Variants in SPECC1 observed in about 807,000 individuals in gnomAD.
SPECC1 encodes sperm antigen with calponin homology and coiled-coil domains 1.
SPECC1 carries 62 observed loss-of-function variants against 104.1 expected under a neutral mutation model. The ratio of observed to expected loss-of-function variants is 0.60; its 90% CI spans 0.49 to 0.74. SPECC1 has a LOEUF of 0.74. SPECC1 is among the 30% of genes least tolerant of loss of function. The probability of loss-of-function intolerance (pLI) is 0.00; values close to 1 mark genes in which losing one functional copy is unlikely to be tolerated. For missense variants in SPECC1, 1,306 were observed against 1,310.5 expected, an observed-to-expected ratio of 1.00 and a Z score of 0.05; for synonymous variants, 513 against 501.6, an observed-to-expected ratio of 1.02 and a Z score of -0.30.
At chr17:20,129,624 T>G (rs2049503706) in intron 3 of SPECC1, among the ~76,000 whole-genome samples, 1 of 152,220 alleles carries the variant, frequency 6.6e-6, no homozygotes, top group South Asian at 2.1e-4. Context: ...AACAGGGTCT[T>G]TCACAGACCA....
chr17:20,013,711 C>A (rs2044020559), intron 1 of SPECC1, among the ~76,000 whole-genome samples: 1 of 152,130 alleles, frequency 6.6e-6, no homozygotes, highest in African/African-American at 2.4e-5. Flanking sequence ...CCGTGTTGGC[C>A]AGGCTAGTCT....
intron 3 of SPECC1, among the ~76,000 whole-genome samples, chr17:20,134,335 C>T (rs2049813271): frequency 6.6e-6 from 1 of 151,470 alleles, no homozygotes; most frequent in African/African-American, 2.4e-5. Flanking sequence ...ATCCTTCTCC[C>T]ACCTGCCACC....
chr17:20,180,290 C>T (rs62066873), intron 3 of SPECC1, among the ~76,000 whole-genome samples: 25 of 152,202 alleles, frequency 1.6e-4, no homozygotes, highest in Admixed American at 7.2e-4. Context: ...TGAGCAGCCC[C>T]ACAGTAAATA....
intron 12 of SPECC1, among the ~76,000 whole-genome samples, chr17:20,278,088 T>G (rs2040635051): frequency 6.6e-6 from 1 of 152,114 alleles, no homozygotes; most frequent in African/African-American, 2.4e-5. Flanking sequence ...TCCTGGCCTG[T>G]GTGAAAGACC....
intron 1 of SPECC1, among the ~76,000 whole-genome samples, chr17:20,062,167 G>A (rs2046208655): frequency 6.6e-6 from 1 of 151,430 alleles, no homozygotes; most frequent in African/African-American, 2.4e-5. Flanking sequence ...GCAGGAGAAT[G>A]GCGTGAACCT....
chr17:20,156,150 A>G, intron 3 of SPECC1: 1 of 1,431,100 alleles, frequency 7.0e-7, no homozygotes, highest in Non-Finnish European at 9.2e-7. Context: ...CACGGTGGAC[A>G]CCCGGTCCGA....
rs747317522 is a variant in SPECC1 at position 20,253,537 on chromosome 17, C to G, written c.2631C>G (p.Ala877=). 1.9e-6 allele frequency: 3 copies of G among 1,613,988 alleles called. No individual in the cohort carries two copies. In the Admixed American group the frequency reaches 5.0e-5, roughly 27 times the overall value. The part of the protein sequence containing the change: ...RHSTYSSVRP[A]SRGVTQRLDL... ...CGACTTACAGCAGTGTGCGGCCAGC[C>G]AGCAGAGGGGTGACTCAACGCTTGG... Residue 877 remains alanine (A), a synonymous_variant, in exon 10 of 15, where the codon GCC becomes GCG. Transcript: ENST00000395527.
chr17:20,256,876 C>A (rs758257394), intron 10 of SPECC1, among the ~76,000 whole-genome samples: 81 of 152,304 alleles, frequency 5.3e-4, no homozygotes, highest in Non-Finnish European at 8.5e-4. Context: ...CAAGTATCAT[C>A]TGGAGGATTC....
At chr17:20,152,400 G>T (rs548904968) in intron 3 of SPECC1, among the ~76,000 whole-genome samples, 2 of 152,310 alleles carry the variant, frequency 1.3e-5, no homozygotes, top group East Asian at 1.9e-4. Flanking sequence ...CAGACCAAAG[G>T]GGGGTGATAA....
chr17:20,227,309 A>G (rs1312894416), intron 4 of SPECC1, 104 bp from the exon 5 acceptor site: 4 of 908,792 alleles, frequency 4.4e-6, no homozygotes, highest in South Asian at 1.6e-5. Flanking sequence ...CAGGTTTGTT[A>G]CATGGGTATA....
chr17:20,287,144 G>A (rs763905268), intron 12 of SPECC1, among the ~76,000 whole-genome samples: 43 of 152,232 alleles, frequency 2.8e-4, no homozygotes, highest in African/African-American at 7.2e-4. Flanking sequence ...TTGGCCGGGC[G>A]CGGGTGCTCA....
chr17:20,292,348 G>A (rs547622812), intron 12 of SPECC1, among the ~76,000 whole-genome samples: 36 of 151,858 alleles, frequency 2.4e-4, no homozygotes, highest in Non-Finnish European at 4.6e-4. Context: ...TTTTTTGGGG[G>A]GGGGACGGAG....
At position 20,075,099 on chromosome 17, in the gene SPECC1, C is replaced by T. The variant is rs189178088; in HGVS notation, c.-21-21532C>T. 7.3e-5 allele frequency among the ~76,000 whole-genome samples: 11 copies of T among 150,010 alleles called. No individual in the cohort carries two copies. In the East Asian group the frequency reaches 1.9e-3, roughly 26 times the overall value. ...TGTATTTTTAGTAAAGACAACATTT[C>T]AGCATGTTGTCCAGGCTGGCCTCAA... On this transcript the variant is annotated intron_variant, in intron 1 of 14. Coordinates refer to ENST00000395527, the MANE Select transcript of SPECC1 (RefSeq NM_001243439.2).
intron 1 of SPECC1, among the ~76,000 whole-genome samples, chr17:20,052,320 AG>A (rs2045803715): frequency 6.6e-6 from 1 of 152,214 alleles, no homozygotes; most frequent in South Asian, 2.1e-4. Context: ...GTTCATCTAC[AG>A]TTGGTCATGT....
At chr17:20,267,863 C>T (rs930325812) in intron 12 of SPECC1, among the ~76,000 whole-genome samples, 10 of 152,072 alleles carry the variant, frequency 6.6e-5, no homozygotes, top group African/African-American at 1.7e-4. Flanking sequence ...AGGCCAGGGA[C>T]GCTCAGTTTG....
chr17:20,084,895 C>T (rs2047117459), intron 1 of SPECC1, among the ~76,000 whole-genome samples: 2 of 152,180 alleles, frequency 1.3e-5, no homozygotes, highest in Middle Eastern at 3.2e-3. Context: ...GGGAGTCACA[C>T]AGGGAAACAG....
chr17:20,276,090 A>T (rs1367557325), intron 12 of SPECC1, among the ~76,000 whole-genome samples: 1 of 151,756 alleles, frequency 6.6e-6, no homozygotes, highest in African/African-American at 2.4e-5. Flanking sequence ...TATTTGCATG[A>T]TATATCTTTG....
intron 3 of SPECC1, among the ~76,000 whole-genome samples, chr17:20,172,374 A>G (rs570480227): frequency 1.3e-5 from 2 of 152,248 alleles, no homozygotes; most frequent in South Asian, 2.1e-4. Context: ...TTTACTCTCA[A>G]AAAGTGCCCC....
chr17:20,227,078 G>A (rs567510186), intron 4 of SPECC1, among the ~76,000 whole-genome samples: 8 of 152,180 alleles, frequency 5.3e-5, no homozygotes, highest in South Asian at 4.1e-4. Context: ...ATTTAAGTAC[G>A]TGCAGATTCC....
Sources: gnomAD v4.1 joint callset for allele counts (sites outside exome capture counted in the v4.1 genomes callset) on GRCh38, gnomAD v4.1.1 for gene constraint, MANE v1.5 for transcripts, NCBI Gene and HGNC (gene_info 2026-07-23, HGNC 2026-07-21) for gene names.